ENOX1: variants seen among roughly 807,000 people sequenced by gnomAD.
ENOX1 encodes the protein candidate growth-related and time keeping constitutive hydroquinone (NADH) oxidase.
A neutral mutation model predicts 82.5 loss-of-function variants in ENOX1; 42 were observed. The observed-to-expected ratio is 0.51, with a 90% CI of 0.40 to 0.66. The LOEUF is 0.66. ENOX1 is among the 30% of genes least tolerant of loss of function. The probability of loss-of-function intolerance (pLI) is 0.00; values close to 1 mark genes in which losing one functional copy is unlikely to be tolerated. For synonymous variants in ENOX1, 271 were observed against 282.2 expected, an observed-to-expected ratio of 0.96 and a Z score of 0.40; for missense variants, 608 against 811.6, an observed-to-expected ratio of 0.75 and a Z score of 3.05.
intron 1 of ENOX1, among the ~76,000 whole-genome samples, chr13:43,703,536 T>C (rs2087043071): frequency 6.6e-6 from 1 of 152,204 alleles, no homozygotes; most frequent in South Asian, 2.1e-4. Context: ...TCCTTTCTAC[T>C]TCAGAAGTCC....
chr13:43,606,215 G>C (rs1488432168), intron 2 of ENOX1, among the ~76,000 whole-genome samples: 2 of 152,192 alleles, frequency 1.3e-5, no homozygotes, highest in Admixed American at 6.5e-5. Flanking sequence ...TTTTAGGAAT[G>C]TAAATTAGTA....
At chr13:43,723,305 C>CT (rs1234587806) in intron 1 of ENOX1, among the ~76,000 whole-genome samples, 2 of 152,144 alleles carry the variant, frequency 1.3e-5, no homozygotes, top group Admixed American at 6.5e-5. Context: ...TGGGACACTG[C>CT]TCACTTCCCC....
At chr13:43,493,090 T>C (rs1216933668) in intron 2 of ENOX1, among the ~76,000 whole-genome samples, 2 of 152,136 alleles carry the variant, frequency 1.3e-5, no homozygotes, top group African/African-American at 2.4e-5. Flanking sequence ...CTTGCCAGTG[T>C]CTATAACTAC....
chr13:43,529,645 T>C (rs2078127559), intron 2 of ENOX1, among the ~76,000 whole-genome samples: 2 of 152,104 alleles, frequency 1.3e-5, no homozygotes, highest in South Asian at 2.1e-4. Flanking sequence ...GTGGACGACA[T>C]GTACAGAAAT....
At chr13:43,384,809 T>G (rs776893886) in intron 5 of ENOX1, among the ~76,000 whole-genome samples, 5 of 152,190 alleles carry the variant, frequency 3.3e-5, no homozygotes, top group Non-Finnish European at 7.3e-5. Flanking sequence ...TGGGTGAAAC[T>G]TGTCACACCT....
chr13:43,631,283 A>C (rs538346175), intron 2 of ENOX1, among the ~76,000 whole-genome samples: 22 of 152,256 alleles, frequency 1.4e-4, no homozygotes, highest in African/African-American at 4.1e-4. Flanking sequence ...GCTCCCTCCC[A>C]CAGCAGGAAA....
At chr13:43,376,484 G>A (rs1002553771) in intron 5 of ENOX1, among the ~76,000 whole-genome samples, 1 of 152,190 alleles carries the variant, frequency 6.6e-6, no homozygotes, top group Non-Finnish European at 1.5e-5. Context: ...TAAGAACACA[G>A]AAAGGTTGAA....
chr13:43,635,398 C>T (rs1370825353), intron 2 of ENOX1, among the ~76,000 whole-genome samples: 2 of 152,146 alleles, frequency 1.3e-5, no homozygotes, highest in African/African-American at 4.8e-5. Flanking sequence ...ATGTCCGTTA[C>T]AAAAAGCAAA....
At chr13:43,406,373 C>T (rs1181860014) in intron 5 of ENOX1, among the ~76,000 whole-genome samples, 1 of 152,012 alleles carries the variant, frequency 6.6e-6, no homozygotes, top group Admixed American at 6.6e-5. Flanking sequence ...AAGGTATGAG[C>T]CAAGGAACAC....
intron 9 of ENOX1, among the ~76,000 whole-genome samples, chr13:43,333,000 G>GTTT (rs1257132907): frequency 6.6e-6 from 1 of 152,130 alleles, no homozygotes; most frequent in Non-Finnish European, 1.5e-5. Flanking sequence ...TACAAACAGT[G>GTTT]TGTATTTTTC....
At chr13:43,612,238 C>T (rs1308630370) in intron 2 of ENOX1, among the ~76,000 whole-genome samples, 1 of 152,136 alleles carries the variant, frequency 6.6e-6, no homozygotes, top group East Asian at 1.9e-4. Flanking sequence ...GTGTGTATTA[C>T]AGCTAGGAAG....
intron 12 of ENOX1, among the ~76,000 whole-genome samples, chr13:43,271,756 T>A (rs1232625256): frequency 6.6e-6 from 1 of 152,102 alleles, no homozygotes; most frequent in Non-Finnish European, 1.5e-5. Context: ...TCTTATCTCA[T>A]CCATTCTTGG....
At chr13:43,701,562 T>G (rs970971598) in intron 1 of ENOX1, among the ~76,000 whole-genome samples, 1 of 152,214 alleles carries the variant, frequency 6.6e-6, no homozygotes, top group Non-Finnish European at 1.5e-5. Context: ...TAAGGTAACC[T>G]ATGAAGTGTT....
At chr13:43,757,239 A>G (rs1950706385) in intron 1 of ENOX1, among the ~76,000 whole-genome samples, 1 of 152,142 alleles carries the variant, frequency 6.6e-6, no homozygotes, top group Non-Finnish European at 1.5e-5. Flanking sequence ...CTGATATCTG[A>G]CTTTGCAACT....
intron 2 of ENOX1, among the ~76,000 whole-genome samples, chr13:43,562,374 CAATA>C (rs1430543926): frequency 6.6e-6 from 1 of 151,636 alleles, no homozygotes; most frequent in African/African-American, 2.4e-5. Context: ...TAAAAAAATA[CAATA>C]GATACATAAA....
At chr13:43,291,575 C>T (rs2046000770) in intron 12 of ENOX1, among the ~76,000 whole-genome samples, 1 of 152,132 alleles carries the variant, frequency 6.6e-6, no homozygotes, top group East Asian at 1.9e-4. Flanking sequence ...GCTTGCTGTT[C>T]CTCCTTTCTC....
At chr13:43,679,861 G>A (rs1484690054) in intron 1 of ENOX1, among the ~76,000 whole-genome samples, 1 of 152,192 alleles carries the variant, frequency 6.6e-6, no homozygotes, top group Non-Finnish European at 1.5e-5. Context: ...ATGCCCAAAA[G>A]ATTAGCTTTC....
rs551861545 is a variant in ENOX1, at chr13:43,228,095, CTT to C, written c.1715-3959_1715-3958del. The stretch of plus-strand genomic sequence containing the variant: ...ATAAACAAGTAAAGCCTCTTTGCAG[CTT>C]TTTTTTTTTTTTTTTTTTTTTTTTA... On this transcript the variant is annotated intron_variant, in intron 15 of 16. Transcript: ENST00000690772. Among the ~76,000 whole-genome samples the C allele has an allele frequency of 5.3e-3, 447 of 84,694 alleles. 5 individuals carry two copies. The highest frequency in any genetic ancestry group is 0.031 in the Middle Eastern group (3 of 98). 55.6% of individuals were successfully genotyped at this position (84,694 alleles called of 152,430 possible). A position where few individuals can be genotyped will look rare whatever the true frequency, so the allele number is the denominator to read the frequency against.
chr13:43,305,323 A>C (rs1349382464), intron 11 of ENOX1, among the ~76,000 whole-genome samples: 1 of 152,118 alleles, frequency 6.6e-6, no homozygotes, highest in Non-Finnish European at 1.5e-5. Flanking sequence ...TTTTTGCAGG[A>C]TTATTATTAT....
Sources: gnomAD v4.1 joint callset for allele counts (sites outside exome capture counted in the v4.1 genomes callset) on GRCh38, gnomAD v4.1.1 for gene constraint, MANE v1.5 for transcripts, NCBI Gene and HGNC (gene_info 2026-07-23, HGNC 2026-07-21) for gene names.